Variants in DCAF4 observed in about 807,000 individuals in gnomAD.
The protein encoded by DCAF4 is DDB1- and CUL4-associated factor 4.
A neutral mutation model predicts 60.9 loss-of-function variants in DCAF4; 37 were observed. The observed-to-expected ratio is 0.61, with a 90% CI of 0.47 to 0.80. The LOEUF (loss-of-function observed/expected upper bound fraction) is 0.80, where lower values mean the gene tolerates loss of function less well. DCAF4 is among the 30% of genes least tolerant of loss of function. The pLI is 0.00. For missense variants in DCAF4, 577 were observed against 650.0 expected, an observed-to-expected ratio of 0.89 and a Z score of 1.22; for synonymous variants, 243 against 254.8, an observed-to-expected ratio of 0.95 and a Z score of 0.44.
At chr14:72,934,488 T>C (rs10134292) in intron 1 of DCAF4, among the ~76,000 whole-genome samples, 140,498 of 152,088 alleles carry the variant, frequency 0.92, 65,255 homozygotes, top group Non-Finnish European at 0.97. Context: ...TGGGGTTTCG[T>C]CATGTTGGTC....
intron 6 of DCAF4, among the ~76,000 whole-genome samples, chr14:72,943,732 G>A (rs528813092): frequency 6.6e-6 from 1 of 152,282 alleles, no homozygotes; most frequent in African/African-American, 2.4e-5. Context: ...GATGGACCAC[G>A]TAAGAGCAGG....
chr14:72,935,532 G>A (rs1189353675), intron 1 of DCAF4, among the ~76,000 whole-genome samples: 1 of 152,260 alleles, frequency 6.6e-6, no homozygotes, highest in African/African-American at 2.4e-5. Flanking sequence ...TGGGATTACA[G>A]GCGTGAGCCA....
intron 1 of DCAF4, 24 bp from the exon 2 acceptor site, chr14:72,937,947 G>A (rs748630115): frequency 2.5e-6 from 4 of 1,572,316 alleles, no homozygotes; most frequent in Non-Finnish European, 8.6e-7. Flanking sequence ...GAGATGTATG[G>A]ATTTTTTTGT....
rs71109770 is a variant in DCAF4 at position 72,955,914 on chromosome 14, C to CTTTTTTTTTTTTTTTTTTTTTTTTT, written c.1179+220_1179+244dup. Among the ~76,000 whole-genome samples the CTTTTTTTTTTTTTTTTTTTTTTTTT allele has an allele frequency of 7.3e-5, 4 of 54,768 alleles. 1 individual carries two copies. Among genetic ancestry groups the CTTTTTTTTTTTTTTTTTTTTTTTTT allele is most frequent in the African/African-American group, 2.9e-4 (4 of 13,966 alleles). 35.9% of individuals were successfully genotyped at this position (54,768 alleles called of 152,430 possible). ...GTGAAAAGGATTCTCTGGTTATGTC[C>CTTTTTTTTTTTTTTTTTTTTTTTTT]TTTTTTTTTTTTTTTTTTTTTTTTT... On this transcript the variant is annotated intron_variant, in intron 12 of 13. Transcript: ENST00000358377.
chr14:72,934,943 A>T (rs12435700), intron 1 of DCAF4: 1 of 152,210 alleles, frequency 6.6e-6, no homozygotes, highest in East Asian at 1.9e-4. Flanking sequence ...GCTTCAGTTC[A>T]GCAAAAATTT....
intron 7 of DCAF4, 21 bp downstream of exon 7, chr14:72,946,048 G>T: frequency 1.2e-6 from 2 of 1,612,294 alleles, no homozygotes; most frequent in Non-Finnish European, 1.7e-6. Flanking sequence ...CATCCCTGTA[G>T]CCTCTCTGCA....
At chr14:72,956,150 T>C (rs1011414812) in intron 12 of DCAF4, among the ~76,000 whole-genome samples, 1 of 152,086 alleles carries the variant, frequency 6.6e-6, no homozygotes, top group Non-Finnish European at 1.5e-5. Context: ...CTCGAACTCC[T>C]GACCTCATGA....
chr14:72,941,493 G>A (rs530724048), intron 4 of DCAF4, among the ~76,000 whole-genome samples: 2 of 152,256 alleles, frequency 1.3e-5, no homozygotes, highest in South Asian at 2.1e-4. Flanking sequence ...TCGTCCCCCC[G>A]GGTGTATGTG....
intron 8 of DCAF4, 132 bp from the exon 9 acceptor site, chr14:72,951,666 G>C: frequency 1.3e-6 from 1 of 749,688 alleles, no homozygotes; most frequent in East Asian, 2.5e-5. Flanking sequence ...CAGTGTAAAC[G>C]CATGTTGAAT....
At chr14:72,956,725 G>A in intron 13 of DCAF4, 2 of 457,952 alleles carry the variant, frequency 4.4e-6, no homozygotes, top group Admixed American at 6.9e-5. Flanking sequence ...TCCCATGTCA[G>A]TGGGCAAACG....
In DCAF4 at chr14:72,949,119, G is replaced by A. The variant is rs571812693; in HGVS notation, c.728+1928G>A. ...TAATTTGGAGCTTACTACCCAGAGC[G>A]GTATGTCACATACACATCACATACT... On this transcript the variant is annotated intron_variant, in intron 8 of 13. Coordinates refer to ENST00000358377, the MANE Select transcript of DCAF4 (RefSeq NM_015604.4). Among the ~76,000 whole-genome samples the A allele has an allele frequency of 5.9e-5, 9 of 152,188 alleles. No homozygotes were observed. In the South Asian group the frequency reaches 8.3e-4, roughly 14 times the overall value.
Position 72,939,813 on chromosome 14 carries a change from G to T in DCAF4, c.104G>T (p.Arg35Leu). ...CTGTGTGTCAACAGGTCTGACTCCC[G>T]GGCAGCACAGCCCGCTCACGATTCC... ...LRDSEDRSDS[R>L]AAQPAHDSGH... The change falls in exon 3 of 14, where the codon CGG (arginine) becomes CTG (leucine). Residue 35 changes from arginine (R) to leucine (L), a missense_variant. Transcript: ENST00000358377. The T allele has an allele frequency of 6.2e-7, 1 of 1,612,094 alleles. No individual in the cohort carries two copies. Among genetic ancestry groups the T allele is most frequent in the Non-Finnish European group, 8.5e-7 (1 of 1,179,146 alleles).
rs376344693 is a variant in DCAF4, at chr14:72,951,567, C to T, written c.729-231C>T. On this transcript the variant is annotated intron_variant, in intron 8 of 13. Coordinates refer to ENST00000358377, the MANE Select transcript of DCAF4 (RefSeq NM_015604.4). Reference sequence around the variant, plus strand: ...CAGAGGTTGCGGTAAGCCGAGATCGCGCCATTGCACCCCAGCCTGGGCAAC... The same window carrying T: ...CAGAGGTTGCGGTAAGCCGAGATCGTGCCATTGCACCCCAGCCTGGGCAAC... Among the ~76,000 whole-genome samples, 25 of 152,152 alleles carry T rather than the reference C, an allele frequency of 1.6e-4. No homozygotes were observed. In the South Asian group the frequency reaches 2.7e-3, roughly 16 times the overall value.
At chr14:72,952,992 CTTTTTTTTTTT>C (rs34917327) in intron 9 of DCAF4, among the ~76,000 whole-genome samples, 1 of 41,594 alleles carries the variant, frequency 2.4e-5, no homozygotes, top group African/African-American at 1.0e-4. Flanking sequence ...AATGCCCGGC[CTTTTTTTTTTT>C]TTTTTTTTTT....
intron 6 of DCAF4, among the ~76,000 whole-genome samples, chr14:72,944,240 G>A (rs1294277489): frequency 6.6e-6 from 1 of 152,148 alleles, no homozygotes; most frequent in African/African-American, 2.4e-5. Flanking sequence ...TGGCTGGCCG[G>A]TGTGACCGCA....
intron 9 of DCAF4, among the ~76,000 whole-genome samples, chr14:72,952,222 G>C (rs764410576): frequency 1.3e-5 from 2 of 152,186 alleles, no homozygotes; most frequent in Non-Finnish European, 2.9e-5. Context: ...GTCTGCCTAC[G>C]TTAAGGCAAT....
chr14:72,938,142 G>C (rs964925146), intron 2 of DCAF4, 72 bp downstream of exon 2: 1 of 1,513,702 alleles, frequency 6.6e-7, no homozygotes, highest in African/African-American at 1.4e-5. Context: ...CATGTCACAC[G>C]ATCACAGGTG....
intron 2 of DCAF4, 69 bp from the exon 3 acceptor site, chr14:72,939,733 C>G: frequency 7.2e-7 from 1 of 1,393,600 alleles, no homozygotes; most frequent in Non-Finnish European, 9.8e-7. Context: ...CGAATGGACT[C>G]CCTGCCCCCG....
rs2535908 is a variant in DCAF4 at position 72,958,724 on chromosome 14, G to A, written c.1407G>A (p.Ser469=). 8.1e-5 allele frequency: 131 copies of A among 1,613,744 alleles called. No homozygotes were observed. In the East Asian group the frequency reaches 2.7e-3, roughly 34 times the overall value. The change falls in exon 14 of 14, where the codon TCG becomes TCA. Residue 469 remains serine (S), a synonymous_variant. Transcript: ENST00000358377. The stretch of plus-strand genomic sequence containing the variant: ...CCGACATTCCCAGTGTGGCCTTCTC[G>A]TCGCGGCTGGGGGGCTCCCGGGGCG... ...SKADIPSVAF[S]SRLGGSRGAP... is the part of the protein sequence containing the mutation.
Sources: gnomAD v4.1 joint callset for allele counts (sites outside exome capture counted in the v4.1 genomes callset) on GRCh38, gnomAD v4.1.1 for gene constraint, MANE v1.5 for transcripts, NCBI Gene and HGNC (gene_info 2026-07-23, HGNC 2026-07-21) for gene names.